Variants in NDUFAF4 observed in about 807,000 individuals in gnomAD.
NDUFAF4 encodes the protein NADH dehydrogenase [ubiquinone] 1 alpha subcomplex assembly factor 4.
Under a neutral mutation model 15.6 loss-of-function variants are expected in NDUFAF4, and 10 were observed. That is an observed-to-expected ratio of 0.64 (90% confidence interval 0.40 to 1.09). The LOEUF is 1.09. Ranked by LOEUF, NDUFAF4 falls within the 50% of genes least tolerant of loss-of-function variation. The pLI is 0.01. For missense variants in NDUFAF4, 203 were observed against 207.3 expected (o/e 0.98, Z 0.13); for synonymous variants, 77 against 73.3 (o/e 1.05, Z -0.26).
intron 2 of NDUFAF4, among the ~76,000 whole-genome samples, chr6:96,895,772 T>G (rs1775363192): frequency 6.6e-6 from 1 of 152,218 alleles, no homozygotes; most frequent in Non-Finnish European, 1.5e-5. Context: ...GTGCAGCGAT[T>G]AACAAATCTT....
At chr6:96,895,054 G>A (rs528993998) in intron 2 of NDUFAF4, among the ~76,000 whole-genome samples, 1 of 152,276 alleles carries the variant, frequency 6.6e-6, no homozygotes, top group African/African-American at 2.4e-5. Context: ...TGTGTATCTA[G>A]AGATGCATTT....
intron 2 of NDUFAF4, among the ~76,000 whole-genome samples, chr6:96,893,451 A>G (rs546625884): frequency 6.6e-6 from 1 of 152,198 alleles, no homozygotes; most frequent in African/African-American, 2.4e-5. Flanking sequence ...CCAAATTCAC[A>G]TTTCACATTT....
rs148136174 is a variant in NDUFAF4, at chr6:96,895,001, T to C, written c.240+1743A>G. ...TAAAACTATGGTTCTAGTGTATAAATAGAAAAATAAGTAAAACTGATGAGT... is the reference window on the plus strand; with the variant it reads ...TAAAACTATGGTTCTAGTGTATAAACAGAAAAATAAGTAAAACTGATGAGT... On this transcript the variant is annotated intron_variant, in intron 2 of 2. Coordinates refer to ENST00000316149, the MANE Select transcript of NDUFAF4 (RefSeq NM_014165.4). Among the ~76,000 whole-genome samples the C allele has an allele frequency of 4.5e-4, 68 of 152,262 alleles. No homozygotes were observed. The East Asian group carries it at 0.012, about 26-fold the overall frequency.
Position 96,897,862 on chromosome 6 carries a change from C to T in NDUFAF4, c.-61G>A. 6.2e-7 allele frequency: 1 copy of T among 1,608,092 alleles called. No individual in the cohort carries two copies. Among genetic ancestry groups the T allele is most frequent in the Non-Finnish European group, 8.5e-7 (1 of 1,175,322 alleles). On this transcript the variant is annotated 5_prime_UTR_variant, in exon 1 of 3. Transcript: ENST00000316149. ...ACGTGGGAACACCGGCGCAGGACAACTCCGGGACACCCGGAGCATGCGCAC... is the reference window on the plus strand; with the variant it reads ...ACGTGGGAACACCGGCGCAGGACAATTCCGGGACACCCGGAGCATGCGCAC...
chr6:96,896,574 A>G (rs1775375900), intron 2 of NDUFAF4, among the ~76,000 whole-genome samples, 170 bp downstream of exon 2: 1 of 152,256 alleles, frequency 6.6e-6, no homozygotes. Flanking sequence ...GAACCAAGGC[A>G]TAAGTGTCTT....
chr6:96,897,855 A>G lies in NDUFAF4; in HGVS notation c.-54T>C, dbSNP rs1775412271. 5.0e-6 allele frequency: 8 copies of G among 1,612,252 alleles called. No individual in the cohort carries two copies. The Admixed American group carries it at 1.2e-4, about 24-fold the overall frequency. On this transcript the variant is annotated 5_prime_UTR_variant, in exon 1 of 3. Transcript: ENST00000316149. The stretch of plus-strand genomic sequence containing the variant: ...AGGCCGCACGTGGGAACACCGGCGC[A>G]GGACAACTCCGGGACACCCGGAGCA...
chr6:96,890,937 T>C lies in NDUFAF4; in HGVS notation c.*167A>G, dbSNP rs1562144091. The C allele has an allele frequency of 1.1e-5, 7 of 643,360 alleles. No individual in the cohort carries two copies. The highest frequency in any genetic ancestry group is 2.9e-5 in the East Asian group (1 of 34,774). The allele number at this position is 643,360 out of a possible 1,614,324, so 39.9% of individuals were successfully genotyped here. A position where few individuals can be genotyped will look rare whatever the true frequency, so the allele number is the denominator to read the frequency against. ...CCAAATTAAAATAAAACAAAAGATA[T>C]TCTATGGCAATCTTGAAAAGTCAGG... is the stretch of plus-strand genomic sequence containing the variant. On this transcript the variant is annotated 3_prime_UTR_variant, in exon 3 of 3. Transcript: ENST00000316149.
At position 96,897,818 on chromosome 6, in the gene NDUFAF4, G is replaced by A. The variant is rs762543854; in HGVS notation, c.-17C>T. ...TGCTCCCATCTCCTCATAACATTAT[G>A]CGCTCAGGTTCAGGCCGCACGTGGG... On this transcript the variant is annotated 5_prime_UTR_variant, in exon 1 of 3. Coordinates refer to ENST00000316149, the MANE Select transcript of NDUFAF4 (RefSeq NM_014165.4). The A allele has an allele frequency of 1.9e-6, 3 of 1,613,996 alleles. No homozygotes were observed. The Admixed American group carries it at 5.0e-5, about 27-fold the overall frequency.
intron 1 of NDUFAF4, 111 bp downstream of exon 1, chr6:96,897,555 C>A (rs2127975661): frequency 6.8e-7 from 1 of 1,471,874 alleles, no homozygotes; most frequent in South Asian, 1.2e-5. Context: ...CGAGCGGCTG[C>A]GGCCGAGCAG....
At position 96,891,130 on chromosome 6, in the gene NDUFAF4, C is replaced by A. The variant is rs1260208426; in HGVS notation, c.502G>T (p.Asp168Tyr). The A allele has an allele frequency of 6.2e-7, 1 of 1,612,972 alleles. No individual in the cohort carries two copies. The highest frequency in any genetic ancestry group is 1.1e-5 in the South Asian group (1 of 91,004). Residue 168 changes from aspartate (D) to tyrosine (Y), a missense_variant, in exon 3 of 3, where the codon GAC (aspartate) becomes TAC (tyrosine). Transcript: ENST00000316149. ...TFEVEIFPPE[D>Y]KKAIRSK ...CATTTTGATCGTATTGCTTTCTTGTCTTCAGGAGGGAAGATTTCGACTTCA... is the reference window on the plus strand; with the variant it reads ...CATTTTGATCGTATTGCTTTCTTGTATTCAGGAGGGAAGATTTCGACTTCA...
intron 2 of NDUFAF4, among the ~76,000 whole-genome samples, chr6:96,893,412 CT>C (rs1213146922): frequency 4.6e-5 from 7 of 152,118 alleles, no homozygotes; most frequent in East Asian, 1.9e-4. Context: ...GATCTGACCC[CT>C]ATCACTCTCC....
At position 96,891,005 on chromosome 6, in the gene NDUFAF4, T is replaced by C; in HGVS notation, c.*99A>G. On this transcript the variant is annotated 3_prime_UTR_variant, in exon 3 of 3. Transcript: ENST00000316149. The stretch of plus-strand genomic sequence containing the variant: ...AGAGTATGCCCTCACAATGAGAGCA[T>C]TAAATATTTGGTAATTAACATAATT... 1 of 1,133,000 alleles carries C rather than the reference T, an allele frequency of 8.8e-7. No individual in the cohort carries two copies. Among genetic ancestry groups the C allele is most frequent in the Non-Finnish European group, 1.3e-6 (1 of 774,260 alleles). 70.2% of individuals were successfully genotyped at this position (1,133,000 alleles called of 1,614,324 possible). A position where few individuals can be genotyped will look rare whatever the true frequency, so the allele number is the denominator to read the frequency against.
At chr6:96,892,743 T>A (rs1373387184) in intron 2 of NDUFAF4, among the ~76,000 whole-genome samples, 1 of 152,110 alleles carries the variant, frequency 6.6e-6, no homozygotes, top group East Asian at 1.9e-4. Context: ...TTCGGGGTTT[T>A]ATTCATGGAC....
intron 2 of NDUFAF4, among the ~76,000 whole-genome samples, chr6:96,893,039 A>G (rs1216354973): frequency 6.6e-6 from 1 of 152,016 alleles, no homozygotes; most frequent in Non-Finnish European, 1.5e-5. Flanking sequence ...CATATCCTCA[A>G]TTTCAATGAC....
intron 2 of NDUFAF4, among the ~76,000 whole-genome samples, chr6:96,894,058 G>A (rs1323620023): frequency 6.6e-6 from 1 of 152,156 alleles, no homozygotes; most frequent in Non-Finnish European, 1.5e-5. Flanking sequence ...CTCACTTTCT[G>A]ATATATAGTA....
intron 2 of NDUFAF4, among the ~76,000 whole-genome samples, chr6:96,893,135 C>G (rs2127974509): frequency 6.6e-6 from 1 of 152,196 alleles, no homozygotes; most frequent in East Asian, 1.9e-4. Context: ...ATGACCAAAT[C>G]CTGTTGACAC....
Position 96,890,764 on chromosome 6 carries a change from T to G in NDUFAF4, c.*340A>C. On this transcript the variant is annotated 3_prime_UTR_variant, in exon 3 of 3. Coordinates refer to ENST00000316149, the MANE Select transcript of NDUFAF4 (RefSeq NM_014165.4). ...ACCTAACTTGGAAAGTAAAACTCAG[T>G]TGAGGGATTCAGGACATTTCCCAAG... 4.5e-6 allele frequency: 1 copy of G among 219,924 alleles called. No homozygotes were observed. The highest frequency in any genetic ancestry group is 9.0e-6 in the Non-Finnish European group (1 of 111,408). The allele number at this position is 219,924 out of a possible 1,614,324, so 13.6% of individuals were successfully genotyped here.
chr6:96,891,185 C>G lies in NDUFAF4; in HGVS notation c.447G>C (p.Val149=). The G allele has an allele frequency of 6.2e-7, 1 of 1,612,748 alleles. No individual in the cohort carries two copies. The highest frequency in any genetic ancestry group is 8.5e-7 in the Non-Finnish European group (1 of 1,179,058). Residue 149 remains valine (V), a synonymous_variant, in exon 3 of 3, where the codon GTG becomes GTC. Coordinates refer to ENST00000316149, the MANE Select transcript of NDUFAF4 (RefSeq NM_014165.4). ...TAACAAAATATTTAAGAAGAGAATT[C>G]ACATCTTTCTGTTCTAACTGGTATT... The part of the protein sequence containing the change: ...MQEYQLEQKD[V]NSLLKYFVTF...
At position 96,889,418 on chromosome 6, in the gene NDUFAF4, T is replaced by C. The variant is rs566862519; in HGVS notation, c.*1686A>G. On this transcript the variant is annotated 3_prime_UTR_variant, in exon 3 of 3. Transcript: ENST00000316149. ...AAGAAGATGGCTCAGAAGAGTGTACTAGTATTTGTGACTCAGCTAGTGACC... is the reference window on the plus strand; with the variant it reads ...AAGAAGATGGCTCAGAAGAGTGTACCAGTATTTGTGACTCAGCTAGTGACC... The C allele has an allele frequency of 5.9e-5, 9 of 152,334 alleles. No individual in the cohort carries two copies. The highest frequency in any genetic ancestry group is 2.1e-4 in the South Asian group (1 of 4,826). 9.4% of individuals were successfully genotyped at this position (152,334 alleles called of 1,614,324 possible). A position where few individuals can be genotyped will look rare whatever the true frequency, so the allele number is the denominator to read the frequency against.
Sources: allele counts gnomAD v4.1 joint callset (sites outside exome capture counted in the v4.1 genomes callset), GRCh38; gene constraint gnomAD v4.1.1; transcripts MANE v1.5; gene names NCBI Gene and HGNC (gene_info 2026-07-23, HGNC 2026-07-21).